Variants in RYR2 observed in about 807,000 individuals in gnomAD.
RYR2 encodes ryanodine receptor 2, also known as cardiac muscle ryanodine receptor-calcium release channel.
RYR2 carries 227 observed loss-of-function variants against 601.1 expected under a neutral mutation model. The ratio of observed to expected loss-of-function variants is 0.38; its 90% CI spans 0.34 to 0.42. RYR2 has a LOEUF of 0.42. Among genes scored for constraint, RYR2 ranks in the 10% least tolerant of loss-of-function variants. RYR2 has a pLI of 1.00. For synonymous variants in RYR2, 2,223 were observed against 2,175.1 expected, an observed-to-expected ratio of 1.02 and a Z score of -0.61; for missense variants, 4,646 against 6,156.5, an observed-to-expected ratio of 0.75 and a Z score of 8.21.
At chr1:237,685,981 G>A (rs1271950666) in intron 62 of RYR2, among the ~76,000 whole-genome samples, 1 of 152,118 alleles carries the variant, frequency 6.6e-6, no homozygotes, top group Non-Finnish European at 1.5e-5. Flanking sequence ...AGAAGTGAGG[G>A]GTGATGGCCA....
At chr1:237,264,954 G>C (rs886227298) in intron 1 of RYR2, among the ~76,000 whole-genome samples, 1 of 151,668 alleles carries the variant, frequency 6.6e-6, no homozygotes, top group Non-Finnish European at 1.5e-5. Context: ...CACCTGCCTC[G>C]GCCTCCCAAA....
intron 38 of RYR2, 29 bp from the exon 39 acceptor site, chr1:237,623,736 T>C: frequency 4.2e-6 from 6 of 1,425,844 alleles, no homozygotes; most frequent in Non-Finnish European, 5.9e-6. Context: ...TTCCTCCTTC[T>C]TCCTCTTTCT....
intron 21 of RYR2, among the ~76,000 whole-genome samples, chr1:237,502,015 G>A (rs552316123): frequency 1.0e-4 from 15 of 150,730 alleles, no homozygotes; most frequent in Non-Finnish European, 2.1e-4. Context: ...TCTTTAGTTA[G>A]CACCTAGTTT....
rs1236446231 is a variant in RYR2, at chr1:237,788,017, C to T, written c.13358C>T (p.Ala4453Val). ...EGEDGEKEEK[A>V]KEDKGKQKLR... ...GAAGATGGAGAAAAAGAAGAGAAAG[C>T]CAAGGAAGACAAGGGCAAACAAAAG... The change falls in exon 92 of 105, where the codon GCC (alanine) becomes GTC (valine). Residue 4453 changes from alanine to valine, a missense_variant. By Grantham distance (64) the Ala-to-Val change is moderately conservative. Transcript: ENST00000366574. 1.2e-6 allele frequency: 2 copies of T among 1,601,546 alleles called. No individual in the cohort carries two copies. The highest frequency in any genetic ancestry group is 1.7e-6 in the Non-Finnish European group (2 of 1,173,348).
chr1:237,289,259 C>T (rs1417060603), intron 2 of RYR2, among the ~76,000 whole-genome samples: 1 of 152,092 alleles, frequency 6.6e-6, no homozygotes, highest in East Asian at 1.9e-4. Flanking sequence ...CTAAAATTAA[C>T]AATGCGAGCC....
chr1:237,090,708 T>C (rs367946963), intron 1 of RYR2, among the ~76,000 whole-genome samples: 114 of 152,364 alleles, frequency 7.5e-4, no homozygotes, highest in Middle Eastern at 3.4e-3. Flanking sequence ...TATAAATGAC[T>C]GAATGACTGA....
intron 1 of RYR2, among the ~76,000 whole-genome samples, chr1:237,050,364 C>T (rs1263270121): frequency 2.6e-5 from 4 of 152,104 alleles, no homozygotes; most frequent in Non-Finnish European, 5.9e-5. Flanking sequence ...AGGGCTGAGG[C>T]GGGAACGAGG....
intron 79 of RYR2, among the ~76,000 whole-genome samples, chr1:237,734,454 G>A (rs1449232189): frequency 3.3e-5 from 5 of 152,116 alleles, no homozygotes; most frequent in Non-Finnish European, 5.9e-5. Context: ...ATTACAATTC[G>A]ATATAAGATT....
chr1:237,722,568 G>T (rs1010899119), intron 73 of RYR2, among the ~76,000 whole-genome samples: 9 of 151,548 alleles, frequency 5.9e-5, no homozygotes, highest in African/African-American at 1.5e-4. Context: ...CGAGTAGCTG[G>T]GACTACAGGC....
At chr1:237,406,204 C>T (rs1158040840) in intron 10 of RYR2, among the ~76,000 whole-genome samples, 3 of 88,310 alleles carry the variant, frequency 3.4e-5, no homozygotes, top group Admixed American at 1.2e-4. Flanking sequence ...CCTTCCCTCC[C>T]CTCCCTTCCC....
At chr1:237,591,627 C>T (rs1675211840) in intron 31 of RYR2, 112 bp from the exon 32 acceptor site, 2 of 815,736 alleles carry the variant, frequency 2.5e-6, no homozygotes, top group Admixed American at 2.1e-5. Flanking sequence ...CAGATGTCCC[C>T]CAGGGAGCAA....
At chr1:237,096,495 C>G (rs1029607553) in intron 1 of RYR2, among the ~76,000 whole-genome samples, 1 of 152,150 alleles carries the variant, frequency 6.6e-6, no homozygotes, top group East Asian at 1.9e-4. Context: ...CAGGACCACA[C>G]TGGTTTCAGT....
At chr1:237,202,408 AAAC>A (rs1681293602) in intron 1 of RYR2, among the ~76,000 whole-genome samples, 1 of 152,016 alleles carries the variant, frequency 6.6e-6, no homozygotes, top group Non-Finnish European at 1.5e-5. Context: ...ACTTTCCTTT[AAAC>A]AACATTTTTT....
At chr1:237,595,709 C>G (rs184756708) in intron 34 of RYR2, 52 bp downstream of exon 34, 12 of 1,545,030 alleles carry the variant, frequency 7.8e-6, no homozygotes, top group Middle Eastern at 1.8e-4. Flanking sequence ...CTTCTTTCCC[C>G]CATTAAAGGA....
At chr1:237,562,500 A>C (rs1283377560) in intron 27 of RYR2, among the ~76,000 whole-genome samples, 2 of 152,170 alleles carry the variant, frequency 1.3e-5, no homozygotes, top group South Asian at 2.1e-4. Context: ...TAGTTAGGTG[A>C]TTGGTGGTGT....
chr1:237,416,328 G>A (rs1357661032), intron 10 of RYR2, among the ~76,000 whole-genome samples: 1 of 152,074 alleles, frequency 6.6e-6, no homozygotes, highest in East Asian at 1.9e-4. Flanking sequence ...AAAGAAAGAG[G>A]GCATGTGCAT....
At chr1:237,666,448 A>G (rs1033202890) in intron 56 of RYR2, 64 bp from the exon 57 acceptor site, 7 of 1,389,962 alleles carry the variant, frequency 5.0e-6, no homozygotes, top group African/African-American at 1.4e-5. Flanking sequence ...TTTTTAAAGT[A>G]TAAGTTAAGT....
intron 27 of RYR2, among the ~76,000 whole-genome samples, chr1:237,556,906 A>C (rs915999131): frequency 8.5e-6 from 1 of 118,118 alleles, no homozygotes; most frequent in African/African-American, 3.1e-5. Context: ...AAAAAAAAAA[A>C]AAACCCTCTC....
intron 56 of RYR2, among the ~76,000 whole-genome samples, chr1:237,662,730 G>A (rs187812244): frequency 1.3e-5 from 2 of 152,126 alleles, no homozygotes; most frequent in Non-Finnish European, 2.9e-5. Flanking sequence ...TCATGTCTTA[G>A]TGATTTTCAC....
Sources: gnomAD v4.1 joint callset for allele counts (sites outside exome capture counted in the v4.1 genomes callset) on GRCh38, gnomAD v4.1.1 for gene constraint, MANE v1.5 for transcripts, NCBI Gene and HGNC (gene_info 2026-07-23, HGNC 2026-07-21) for gene names.